Variants in PEX3 observed in about 807,000 individuals in gnomAD.
The protein encoded by PEX3 is peroxisomal biogenesis factor 3.
A neutral mutation model predicts 55.8 loss-of-function variants in PEX3; 30 were observed. The ratio of observed to expected loss-of-function variants is 0.54; its 90% CI spans 0.40 to 0.73. The LOEUF is 0.73. Among genes scored for constraint, PEX3 ranks in the 30% least tolerant of loss-of-function variants. The pLI is 0.00. For synonymous variants in PEX3, 135 were observed against 148.4 expected (o/e 0.91, Z 0.66); for missense variants, 351 against 432.8 (o/e 0.81, Z 1.68).
rs1242402984 is a variant in PEX3 at position 143,471,737 on chromosome 6, G to C, written c.578+126G>C. 4 of 764,388 alleles carry C rather than the reference G, an allele frequency of 5.2e-6. No individual in the cohort carries two copies. The highest frequency in any genetic ancestry group is 2.5e-5 in the East Asian group (1 of 39,716). 47.4% of individuals were successfully genotyped at this position (764,388 alleles called of 1,614,324 possible). On this transcript the variant is annotated intron_variant, in intron 7 of 11. Coordinates refer to ENST00000367591, the MANE Select transcript of PEX3 (RefSeq NM_003630.3). The surrounding 1 kb of genome is among the most constrained non-coding windows in gnomAD (Gnocchi z 5.4). The stretch of plus-strand genomic sequence containing the variant: ...TGTGAAACTCTTTGTAATAAAATCA[G>C]ATACCATCCTAGGATATTGCATTGT...
At chr6:143,470,589 G>A (rs1780059673) in intron 4 of PEX3, among the ~76,000 whole-genome samples, 1 of 152,154 alleles carries the variant, frequency 6.6e-6, no homozygotes, top group African/African-American at 2.4e-5. Context: ...TGCCATTGAA[G>A]GCTAGAGTTC....
chr6:143,469,977 G>A (rs113100922), intron 4 of PEX3, among the ~76,000 whole-genome samples: 1,950 of 152,206 alleles, frequency 0.013, 44 homozygotes, highest in African/African-American at 0.044. Context: ...GGGAGATGGA[G>A]TCTTGCTCTG....
intron 2 of PEX3, among the ~76,000 whole-genome samples, chr6:143,460,032 C>CATGCAA (rs1316145550): frequency 6.6e-6 from 1 of 152,210 alleles, no homozygotes; most frequent in Non-Finnish European, 1.5e-5. Context: ...TTCTCAAATC[C>CATGCAA]ATGCAAAGCC....
Position 143,489,038 on chromosome 6 carries a change from C to A in PEX3, c.1039-105C>A, listed in dbSNP as rs1466950856. 1 of 789,858 alleles carries A rather than the reference C, an allele frequency of 1.3e-6. No homozygotes were observed. The highest frequency in any genetic ancestry group is 2.5e-5 in the East Asian group (1 of 39,840). 48.9% of individuals were successfully genotyped at this position (789,858 alleles called of 1,614,324 possible). A position where few individuals can be genotyped will look rare whatever the true frequency, so the allele number is the denominator to read the frequency against. On this transcript the variant is annotated intron_variant, in intron 11 of 11. Transcript: ENST00000367591. The surrounding 1 kb of genome is among the most constrained non-coding windows in gnomAD (Gnocchi z 5.5). ...TTTCTTAAATGGTTTGCCTCTTGGCCTTTACCACAAAACTTAGAGCTGAAT... is the reference window on the plus strand; with the variant it reads ...TTTCTTAAATGGTTTGCCTCTTGGCATTTACCACAAAACTTAGAGCTGAAT...
intron 8 of PEX3, among the ~76,000 whole-genome samples, chr6:143,474,221 A>G (rs1780117652): frequency 6.6e-6 from 1 of 152,070 alleles, no homozygotes; most frequent in Admixed American, 6.5e-5. Flanking sequence ...AGGCCGAGGC[A>G]GGCGGATCAC....
intron 1 of PEX3, among the ~76,000 whole-genome samples, chr6:143,452,897 T>A (rs1296729749): frequency 6.6e-6 from 1 of 152,170 alleles, no homozygotes; most frequent in East Asian, 1.9e-4. Flanking sequence ...CAGCTACTAT[T>A]TATTGGGTGC....
rs1348349485 is a variant in PEX3 at position 143,459,037 on chromosome 6, A to T, written c.74-48A>T. The T allele has an allele frequency of 7.7e-7, 1 of 1,297,272 alleles. No homozygotes were observed. 80.4% of individuals were successfully genotyped at this position (1,297,272 alleles called of 1,614,324 possible). A position where few individuals can be genotyped will look rare whatever the true frequency, so the allele number is the denominator to read the frequency against. On this transcript the variant is annotated intron_variant, in intron 1 of 11. Coordinates refer to ENST00000367591, the MANE Select transcript of PEX3 (RefSeq NM_003630.3). The surrounding 1 kb of genome is among the most constrained non-coding windows in gnomAD (Gnocchi z 4.2). ...ATAAAGTAGGTTAAAAATACTGTGT[A>T]GAATTTTTGGTACTCTAATGAATAT...
chr6:143,450,815 G>A lies in PEX3; in HGVS notation c.-228G>A. The A allele has an allele frequency of 6.0e-6, 5 of 826,646 alleles. No homozygotes were observed. In the South Asian group the frequency reaches 6.3e-5, roughly 10 times the overall value. The allele number at this position is 826,646 out of a possible 1,614,324, so 51.2% of individuals were successfully genotyped here. ...TGGGCTTGTCGGACCAGTGAGCGGCGGCGGCTGCGCGGCGGCAGCGGCAGA... is the reference window on the plus strand; with the variant it reads ...TGGGCTTGTCGGACCAGTGAGCGGCAGCGGCTGCGCGGCGGCAGCGGCAGA... On this transcript the variant is annotated 5_prime_UTR_variant, in exon 1 of 12. Coordinates refer to ENST00000367591, the MANE Select transcript of PEX3 (RefSeq NM_003630.3).
At chr6:143,460,302 C>A (rs1323588260) in intron 2 of PEX3, among the ~76,000 whole-genome samples, 3 of 152,012 alleles carry the variant, frequency 2.0e-5, no homozygotes, top group Non-Finnish European at 4.4e-5. Flanking sequence ...CAGAAAAATA[C>A]CTTCATTCTG....
In PEX3 at chr6:143,459,718, A is replaced by T. The variant is rs1009331272; in HGVS notation, c.205+502A>T. ...AGCTTGGTACTCTCAGGACACAGCA[A>T]AAAGGCCATGTAGCTAGAGCAGAAT... On this transcript the variant is annotated intron_variant, in intron 2 of 11. Coordinates refer to ENST00000367591, the MANE Select transcript of PEX3 (RefSeq NM_003630.3). This position sits in a 1 kb window ranked among gnomAD's most constrained non-coding sequence, Gnocchi z 4.2. 2.0e-5 allele frequency among the ~76,000 whole-genome samples: 3 copies of T among 152,240 alleles called. No individual in the cohort carries two copies. Among genetic ancestry groups the T allele is most frequent in the East Asian group, 3.8e-4 (2 of 5,198 alleles).
rs757525259 is a variant in PEX3 at position 143,465,682 on chromosome 6, C to T, written c.288-2440C>T. Among the ~76,000 whole-genome samples the T allele has an allele frequency of 2.5e-4, 38 of 151,908 alleles. No individual in the cohort carries two copies. Among genetic ancestry groups the T allele is most frequent in the Non-Finnish European group, 4.7e-4 (32 of 67,906 alleles). ...ATTGTGGTTGATTCCCAGTTTAATC[C>T]GAATACATATGACATTCTGCCGTGA... is the stretch of plus-strand genomic sequence containing the variant. On this transcript the variant is annotated intron_variant, in intron 3 of 11. Coordinates refer to ENST00000367591, the MANE Select transcript of PEX3 (RefSeq NM_003630.3). This position sits in a 1 kb window ranked among gnomAD's most constrained non-coding sequence, Gnocchi z 4.7.
In PEX3 at chr6:143,472,204, A is replaced by G. The variant is rs776561959; in HGVS notation, c.623A>G (p.Lys208Arg). 6.2e-7 allele frequency: 1 copy of G among 1,610,828 alleles called. No individual in the cohort carries two copies. The highest frequency in any genetic ancestry group is 8.5e-7 in the Non-Finnish European group (1 of 1,177,246). ...TTGTCCCTTTTGGACTTGGAGCAAA[A>G]ACTAAAAGAAATCAGAAATCTCGTT... is the stretch of plus-strand genomic sequence containing the variant. ...HSLSLLDLEQ[K>R]LKEIRNLVEQ... Residue 208 changes from lysine (K) to arginine (R), a missense_variant, in exon 8 of 12, where the codon AAA becomes AGA. Physicochemically the swap from Lys to Arg is conservative, Grantham distance 26 (BLOSUM62 2). Coordinates refer to ENST00000367591, the MANE Select transcript of PEX3 (RefSeq NM_003630.3).
In PEX3 at chr6:143,471,096, T is replaced by C. The variant is rs2128746690; in HGVS notation, c.456+11T>C. 4 of 1,610,512 alleles carry C rather than the reference T, an allele frequency of 2.5e-6. No homozygotes were observed. The highest frequency in any genetic ancestry group is 2.2e-5 in the South Asian group (2 of 90,998). ...GGCAAAAATGGCACTGTAAGTTTAA[T>C]AGACTTAAATAGACATTGTTCTTTC... On this transcript the variant is annotated intron_variant, in intron 5 of 11. Transcript: ENST00000367591. The surrounding 1 kb of genome is among the most constrained non-coding windows in gnomAD (Gnocchi z 5.4).
rs1477599427 is a variant in PEX3, at chr6:143,453,352, G to A, written c.73+2237G>A. Among the ~76,000 whole-genome samples, 2 of 152,164 alleles carry A rather than the reference G, an allele frequency of 1.3e-5. No individual in the cohort carries two copies. The highest frequency in any genetic ancestry group is 2.9e-5 in the Non-Finnish European group (2 of 68,040). On this transcript the variant is annotated intron_variant, in intron 1 of 11. Coordinates refer to ENST00000367591, the MANE Select transcript of PEX3 (RefSeq NM_003630.3). The surrounding 1 kb of genome is among the most constrained non-coding windows in gnomAD (Gnocchi z 4.6). ...CAGAGAAGTTTGGGCATTCAATAGT[G>A]GGGGAAGTAAGTAAGTAAAACCTTG...
rs995939004 is a variant in PEX3, at chr6:143,489,473, T to G, written c.*247T>G. 2 of 288,320 alleles carry G rather than the reference T, an allele frequency of 6.9e-6. No individual in the cohort carries two copies. Among genetic ancestry groups the G allele is most frequent in the Non-Finnish European group, 1.3e-5 (2 of 151,410 alleles). The allele number at this position is 288,320 out of a possible 1,614,324, so 17.9% of individuals were successfully genotyped here. A position where few individuals can be genotyped will look rare whatever the true frequency, so the allele number is the denominator to read the frequency against. ...GCAAATATCAGAATTGTTAATAATTTGTTACACATGGACATTTGTTCCAAA... is the reference window on the plus strand; with the variant it reads ...GCAAATATCAGAATTGTTAATAATTGGTTACACATGGACATTTGTTCCAAA... On this transcript the variant is annotated 3_prime_UTR_variant, in exon 12 of 12. Coordinates refer to ENST00000367591, the MANE Select transcript of PEX3 (RefSeq NM_003630.3). This position sits in a 1 kb window ranked among gnomAD's most constrained non-coding sequence, Gnocchi z 5.5.
In PEX3 at chr6:143,487,336, G is replaced by A. The variant is rs1311180005; in HGVS notation, c.1039-1807G>A. ...ATGAGCCAAATCCAGCCAAGCACCAGCTTTTGTAAGTTTTATTGGGTGACA... is the reference window on the plus strand; with the variant it reads ...ATGAGCCAAATCCAGCCAAGCACCAACTTTTGTAAGTTTTATTGGGTGACA... On this transcript the variant is annotated intron_variant, in intron 11 of 11. Coordinates refer to ENST00000367591, the MANE Select transcript of PEX3 (RefSeq NM_003630.3). The surrounding 1 kb of genome is among the most constrained non-coding windows in gnomAD (Gnocchi z 5.3). 6.6e-6 allele frequency among the ~76,000 whole-genome samples: 1 copy of A among 152,082 alleles called. No individual in the cohort carries two copies. The highest frequency in any genetic ancestry group is 6.6e-5 in the Admixed American group (1 of 15,262).
intron 8 of PEX3, among the ~76,000 whole-genome samples, chr6:143,472,598 G>A (rs1355560044): frequency 6.6e-6 from 1 of 152,158 alleles, no homozygotes; most frequent in Non-Finnish European, 1.5e-5. Flanking sequence ...TGTAAAATGT[G>A]TAAGACATGT....
chr6:143,462,512 A>C lies in PEX3; in HGVS notation c.206-404A>C, dbSNP rs1028373634. Among the ~76,000 whole-genome samples the C allele has an allele frequency of 2.0e-5, 3 of 152,194 alleles. No individual in the cohort carries two copies. The highest frequency in any genetic ancestry group is 4.4e-5 in the Non-Finnish European group (3 of 68,018). ...TGAAGGAAAAAGTATAGCTGAATATAAAAATGCTTTTGATCATTGTCATTA... is the reference window on the plus strand; with the variant it reads ...TGAAGGAAAAAGTATAGCTGAATATCAAAATGCTTTTGATCATTGTCATTA... On this transcript the variant is annotated intron_variant, in intron 2 of 11. Coordinates refer to ENST00000367591, the MANE Select transcript of PEX3 (RefSeq NM_003630.3). This position sits in a 1 kb window ranked among gnomAD's most constrained non-coding sequence, Gnocchi z 4.1.
rs1369757232 is a variant in PEX3 at position 143,466,122 on chromosome 6, G to T, written c.288-2000G>T. On this transcript the variant is annotated intron_variant, in intron 3 of 11. Coordinates refer to ENST00000367591, the MANE Select transcript of PEX3 (RefSeq NM_003630.3). This position sits in a 1 kb window ranked among gnomAD's most constrained non-coding sequence, Gnocchi z 5.4. ...ACATCCATACAATGGTGTACTACAC[G>T]TTGGTTAGAAGAGAAAAGTGGCTAC... 6.6e-6 allele frequency among the ~76,000 whole-genome samples: 1 copy of T among 152,020 alleles called. No individual in the cohort carries two copies. The highest frequency in any genetic ancestry group is 2.1e-4 in the South Asian group (1 of 4,832).
Sources: allele counts gnomAD v4.1 joint callset (sites outside exome capture counted in the v4.1 genomes callset), GRCh38; gene constraint gnomAD v4.1.1; non-coding constraint Gnocchi (gnomAD v3.1); transcripts MANE v1.5; gene names NCBI Gene and HGNC (gene_info 2026-07-23, HGNC 2026-07-21).